COPS8: variants seen among roughly 807,000 people sequenced by gnomAD.
COPS8 encodes the protein COP9 signalosome subunit 8.
Under a neutral mutation model 31.5 loss-of-function variants are expected in COPS8, and 11 were observed. The observed-to-expected ratio is 0.35, with a 90% CI of 0.22 to 0.58. The LOEUF (loss-of-function observed/expected upper bound fraction) is 0.58, where lower values mean the gene tolerates loss of function less well. Ranked by LOEUF, COPS8 falls within the 20% of genes least tolerant of loss-of-function variation. COPS8 has a pLI of 0.83. For missense variants in COPS8, 215 were observed against 255.1 expected, an observed-to-expected ratio of 0.84 and a Z score of 1.07; for synonymous variants, 81 against 89.3, an observed-to-expected ratio of 0.91 and a Z score of 0.52.
At chr2:237,096,928 AGT>A in intron 7 of COPS8, 59 bp downstream of exon 7, 4 of 1,188,212 alleles carry the variant, frequency 3.4e-6, no homozygotes, top group Non-Finnish European at 5.0e-6. Flanking sequence ...TCTTTTTTGT[AGT>A]ATATATGTAT....
At chr2:237,096,952 A>AGTATATATATATATAT in intron 7 of COPS8, 83 bp downstream of exon 7, 1 of 897,962 alleles carries the variant, frequency 1.1e-6, no homozygotes, top group African/African-American at 1.7e-5. Flanking sequence ...TGTGTGTGTG[A>AGTATATATATATATAT]GTGTGTGTAT....
Position 237,099,461 on chromosome 2 carries a change from A to G in COPS8, c.*1719A>G, listed in dbSNP as rs1559302010. The G allele has an allele frequency of 6.6e-6, 1 of 152,216 alleles. No homozygotes were observed. The highest frequency in any genetic ancestry group is 2.4e-5 in the African/African-American group (1 of 41,464). The allele number at this position is 152,216 out of a possible 1,614,324, so 9.4% of individuals were successfully genotyped here. A position where few individuals can be genotyped will look rare whatever the true frequency, so the allele number is the denominator to read the frequency against. ...GGATATACACTAAGGACAGAAAAAA[A>G]TCTTAGACTAATGAATGTGGTTTTT... On this transcript the variant is annotated 3_prime_UTR_variant, in exon 8 of 8. Coordinates refer to ENST00000354371, the MANE Select transcript of COPS8 (RefSeq NM_006710.5).
In COPS8 at chr2:237,099,689, T is replaced by A. The variant is rs1696864124; in HGVS notation, c.*1947T>A. The A allele has an allele frequency of 6.6e-6, 1 of 152,240 alleles. No individual in the cohort carries two copies. The highest frequency in any genetic ancestry group is 1.5e-5 in the Non-Finnish European group (1 of 68,048). The allele number at this position is 152,240 out of a possible 1,614,324, so 9.4% of individuals were successfully genotyped here. A position where few individuals can be genotyped will look rare whatever the true frequency, so the allele number is the denominator to read the frequency against. Reference sequence around the variant, plus strand: ...TAGAGTAATTACAGTTCAGTAACAATGAGCACCACTAGTACCCAGATGGTG... The same window carrying A: ...TAGAGTAATTACAGTTCAGTAACAAAGAGCACCACTAGTACCCAGATGGTG... On this transcript the variant is annotated 3_prime_UTR_variant, in exon 8 of 8. Coordinates refer to ENST00000354371, the MANE Select transcript of COPS8 (RefSeq NM_006710.5).
At chr2:237,091,446 A>G (rs1696704509) in intron 4 of COPS8, among the ~76,000 whole-genome samples, 1 of 152,228 alleles carries the variant, frequency 6.6e-6, no homozygotes, top group African/African-American at 2.4e-5. Flanking sequence ...ATTCCTGAAC[A>G]TATCCTGAGA....
At chr2:237,089,045 G>A (rs951237687) in intron 3 of COPS8, among the ~76,000 whole-genome samples, 2 of 152,170 alleles carry the variant, frequency 1.3e-5, no homozygotes, top group African/African-American at 2.4e-5. Context: ...AAGAATGATT[G>A]ACAGCAATAA....
At chr2:237,086,197 C>G (rs1466757519) in intron 1 of COPS8, among the ~76,000 whole-genome samples, 155 bp downstream of exon 1, 1 of 152,086 alleles carries the variant, frequency 6.6e-6, no homozygotes, top group Non-Finnish European at 1.5e-5. Flanking sequence ...ACCGCCGCAA[C>G]CTGCTCCGAC....
At chr2:237,086,516 C>T (rs1443164731) in intron 1 of COPS8, among the ~76,000 whole-genome samples, 1 of 152,010 alleles carries the variant, frequency 6.6e-6, no homozygotes, top group Non-Finnish European at 1.5e-5. Context: ...GCCATTTTGT[C>T]TTCAGTAAGA....
chr2:237,097,224 C>CT (rs996251270), intron 7 of COPS8, among the ~76,000 whole-genome samples: 2,970 of 95,790 alleles, frequency 0.031, 62 homozygotes, highest in East Asian at 0.076. Context: ...TGTGGGTTTT[C>CT]TTTTTTTTTT....
Position 237,098,228 on chromosome 2 carries a change from A to C in COPS8, c.*486A>C, listed in dbSNP as rs1696838834. The C allele has an allele frequency of 6.5e-6, 1 of 154,636 alleles. No individual in the cohort carries two copies. The highest frequency in any genetic ancestry group is 1.4e-5 in the Non-Finnish European group (1 of 69,454). 9.6% of individuals were successfully genotyped at this position (154,636 alleles called of 1,614,324 possible). On this transcript the variant is annotated 3_prime_UTR_variant, in exon 8 of 8. Transcript: ENST00000354371. Reference sequence around the variant, plus strand: ...CTCTCTTTTCACCCCCCACCTCCTGAGAGCCACTAATGTAAGATACAGAAA... The same window carrying C: ...CTCTCTTTTCACCCCCCACCTCCTGCGAGCCACTAATGTAAGATACAGAAA...
Position 237,097,979 on chromosome 2 carries a change from G to A in COPS8, c.*237G>A, listed in dbSNP as rs983229243. Reference sequence around the variant, plus strand: ...GTATTTAATAATCTGGATGGAGCCTGTCAGTATTACAGTTAGTTTTCTAGT... The same window carrying A: ...GTATTTAATAATCTGGATGGAGCCTATCAGTATTACAGTTAGTTTTCTAGT... On this transcript the variant is annotated 3_prime_UTR_variant, in exon 8 of 8. Coordinates refer to ENST00000354371, the MANE Select transcript of COPS8 (RefSeq NM_006710.5). 4 of 376,762 alleles carry A rather than the reference G, an allele frequency of 1.1e-5. No homozygotes were observed. Among genetic ancestry groups the A allele is most frequent in the Non-Finnish European group, 1.9e-5 (4 of 206,600 alleles). 23.3% of individuals were successfully genotyped at this position (376,762 alleles called of 1,614,324 possible). A position where few individuals can be genotyped will look rare whatever the true frequency, so the allele number is the denominator to read the frequency against.
chr2:237,092,561 A>G (rs779923705), intron 4 of COPS8, among the ~76,000 whole-genome samples: 1 of 152,086 alleles, frequency 6.6e-6, no homozygotes, highest in Admixed American at 6.5e-5. Context: ...AAAAAAAAGT[A>G]TACTTTCCAT....
intron 1 of COPS8, chr2:237,086,814 G>C (rs1375113083): frequency 3.8e-6 from 3 of 795,838 alleles, no homozygotes; most frequent in African/African-American, 1.8e-5. Context: ...CATTTAAATG[G>C]GAATTTGAGA....
chr2:237,094,752 G>A (rs1696767107), intron 5 of COPS8, among the ~76,000 whole-genome samples: 1 of 152,074 alleles, frequency 6.6e-6, no homozygotes, highest in African/African-American at 2.4e-5. Flanking sequence ...TCATGATGAG[G>A]TCAGGAGTTC....
chr2:237,096,493 C>G (rs1434868439), intron 6 of COPS8, among the ~76,000 whole-genome samples: 1 of 152,148 alleles, frequency 6.6e-6, no homozygotes, highest in Non-Finnish European at 1.5e-5. Context: ...TTAATGCCCA[C>G]TTCCATAAAC....
At chr2:237,093,928 A>G (rs1696749614) in intron 4 of COPS8, 162 bp from the exon 5 acceptor site, 1 of 1,338,582 alleles carries the variant, frequency 7.5e-7, no homozygotes. Flanking sequence ...AACCCCCCGT[A>G]CATACTGGGC....
Position 237,091,152 on chromosome 2 carries a change from C to T in COPS8, c.331+1158C>T, listed in dbSNP as rs141962824. On this transcript the variant is annotated intron_variant, in intron 4 of 7. Transcript: ENST00000354371. ...GCATTCTCTTGTGCACCGTCGGGTC[C>T]GTAGTTTTATTCCTTCCCGGAGCCG... Among the ~76,000 whole-genome samples, 402 of 152,194 alleles carry T rather than the reference C, an allele frequency of 2.6e-3. 1 individual carries two copies. The highest frequency in any genetic ancestry group is 9.1e-3 in the African/African-American group (377 of 41,528).
intron 4 of COPS8, among the ~76,000 whole-genome samples, chr2:237,090,598 T>A (rs1696689914): frequency 6.6e-6 from 1 of 152,212 alleles, no homozygotes; most frequent in Admixed American, 6.5e-5. Flanking sequence ...CTGTTATTTC[T>A]TATTGTTACC....
At chr2:237,095,633 T>A (rs1696786178) in intron 5 of COPS8, among the ~76,000 whole-genome samples, 189 bp from the exon 6 acceptor site, 1 of 152,192 alleles carries the variant, frequency 6.6e-6, no homozygotes, top group African/African-American at 2.4e-5. Context: ...GAGGCTTTGA[T>A]ACCTGTTTCA....
At chr2:237,095,081 G>T (rs1696775164) in intron 5 of COPS8, among the ~76,000 whole-genome samples, 1 of 152,028 alleles carries the variant, frequency 6.6e-6, no homozygotes, top group Admixed American at 6.6e-5. Context: ...AATTTCCAGG[G>T]CCTAGCATAG....
Sources: allele counts gnomAD v4.1 joint callset (sites outside exome capture counted in the v4.1 genomes callset), GRCh38; gene constraint gnomAD v4.1.1; transcripts MANE v1.5; gene names NCBI Gene and HGNC (gene_info 2026-07-23, HGNC 2026-07-21).